The following SHANK2 variants were observed in gnomAD, a reference collection of about 807,000 sequenced individuals.
SHANK2 encodes SH3 and multiple ankyrin repeat domains 2.
In SHANK2, 43 loss-of-function variants were observed where a neutral mutation model predicts 133.7. The observed-to-expected ratio is 0.32, with a 90% CI of 0.25 to 0.41. The LOEUF is 0.41. Ranked by LOEUF, SHANK2 falls within the 10% of genes least tolerant of loss-of-function variation. SHANK2 has a pLI of 1.00. For synonymous variants in SHANK2, 1,017 were observed against 952.8 expected (o/e 1.07, Z -1.24); for missense variants, 1,994 against 2,235.8 (o/e 0.89, Z 2.18).
chr11:70,642,553 C>T (rs1237472306), intron 17 of SHANK2, among the ~76,000 whole-genome samples: 3 of 152,148 alleles, frequency 2.0e-5, no homozygotes, highest in Non-Finnish European at 4.4e-5. Flanking sequence ...GAGGCGGGGC[C>T]GAGAGGTGTC....
chr11:71,187,511 A>AT (rs1355961845), intron 2 of SHANK2, among the ~76,000 whole-genome samples: 3 of 151,540 alleles, frequency 2.0e-5, no homozygotes, highest in Non-Finnish European at 2.9e-5. Flanking sequence ...TGGGTTTTTC[A>AT]TGTTTTATTC....
At chr11:70,609,379 C>T (rs1056113358) in intron 17 of SHANK2, among the ~76,000 whole-genome samples, 7 of 152,170 alleles carry the variant, frequency 4.6e-5, no homozygotes, top group Non-Finnish European at 7.3e-5. Context: ...GATGACCTGG[C>T]GTGTGAAGAA....
intron 6 of SHANK2, among the ~76,000 whole-genome samples, chr11:71,106,439 C>CA (rs1301601359): frequency 3.9e-5 from 6 of 151,954 alleles, no homozygotes; most frequent in African/African-American, 1.2e-4. Context: ...CCCATCTCTA[C>CA]AAAAAAACAC....
chr11:70,647,848 G>C lies in SHANK2; in HGVS notation c.2061+11980C>G, dbSNP rs1234168803. The stretch of plus-strand genomic sequence containing the variant: ...ACCCGCCCATCCCACCCCGGATGGG[G>C]ACTCTGGGGTGTGCATCAGCAGTTT... On this transcript the variant is annotated intron_variant, in intron 17 of 25. Transcript: ENST00000601538. Among the ~76,000 whole-genome samples, 3 of 152,198 alleles carry C rather than the reference G, an allele frequency of 2.0e-5. No individual in the cohort carries two copies. The East Asian group carries it at 5.8e-4, about 29-fold the overall frequency.
intron 17 of SHANK2, among the ~76,000 whole-genome samples, chr11:70,612,316 C>G (rs2060669972): frequency 6.6e-6 from 1 of 152,162 alleles, no homozygotes; most frequent in Non-Finnish European, 1.5e-5. Context: ...ACCTGTAGCC[C>G]CCATCTCTGA....
chr11:70,770,277 A>G (rs1210578381), intron 14 of SHANK2, among the ~76,000 whole-genome samples: 1 of 152,198 alleles, frequency 6.6e-6, no homozygotes, highest in African/African-American at 2.4e-5. Context: ...CCACCAGACC[A>G]GCCTGGTCTC....
chr11:70,595,783 G>C (rs1411841892), intron 17 of SHANK2, among the ~76,000 whole-genome samples: 2 of 152,252 alleles, frequency 1.3e-5, no homozygotes, highest in Admixed American at 1.3e-4. Context: ...GACTCAGAGA[G>C]ACCCAGCTCC....
chr11:70,926,728 G>T (rs949606404), intron 10 of SHANK2, among the ~76,000 whole-genome samples: 18 of 152,344 alleles, frequency 1.2e-4, no homozygotes, highest in African/African-American at 4.1e-4. Flanking sequence ...GCCTCAGCTG[G>T]GCACCTGCGG....
intron 21 of SHANK2, chr11:70,495,915 C>A: frequency 6.4e-6 from 1 of 157,416 alleles, no homozygotes; most frequent in South Asian, 1.6e-4. Flanking sequence ...TGTGCTCAGA[C>A]CTGCACCTGT....
chr11:71,061,787 C>A (rs943752237), intron 9 of SHANK2, among the ~76,000 whole-genome samples: 6 of 152,004 alleles, frequency 3.9e-5, no homozygotes, highest in African/African-American at 1.5e-4. Context: ...CCTTCTCCAC[C>A]AGGATGAGAC....
At position 70,599,557 on chromosome 11, in the gene SHANK2, G is replaced by A. The variant is rs1204980078; in HGVS notation, c.2061+60271C>T. ...CAGGGGGCGGAGCCTGCAGTGAGCC[G>A]AGATTGCGCCACTGCACTCCAGCCT... On this transcript the variant is annotated intron_variant, in intron 17 of 25. Transcript: ENST00000601538. 3.7e-5 allele frequency among the ~76,000 whole-genome samples: 4 copies of A among 109,254 alleles called. 1 individual carries two copies. The highest frequency in any genetic ancestry group is 3.6e-5 in the Non-Finnish European group (2 of 54,904). The allele number at this position is 109,254 out of a possible 152,430, so 71.7% of individuals were successfully genotyped here. A position where few individuals can be genotyped will look rare whatever the true frequency, so the allele number is the denominator to read the frequency against.
intron 17 of SHANK2, among the ~76,000 whole-genome samples, chr11:70,613,491 C>T (rs1394715423): frequency 6.6e-6 from 1 of 152,062 alleles, no homozygotes; most frequent in East Asian, 1.9e-4. Flanking sequence ...GCATGAGCCG[C>T]CGCACCCGGC....
chr11:70,740,634 A>C (rs1565283475), intron 14 of SHANK2, among the ~76,000 whole-genome samples: 1 of 152,156 alleles, frequency 6.6e-6, no homozygotes. Flanking sequence ...AAGCAGCATC[A>C]GTCAGCCCAA....
intron 14 of SHANK2, among the ~76,000 whole-genome samples, chr11:70,767,538 G>A (rs765043954): frequency 6.6e-6 from 1 of 152,108 alleles, no homozygotes. Context: ...AAGGAGCGAC[G>A]TACCACCACA....
intron 17 of SHANK2, among the ~76,000 whole-genome samples, chr11:70,525,090 G>A (rs527899785): frequency 2.8e-4 from 43 of 152,352 alleles, no homozygotes; most frequent in African/African-American, 8.9e-4. Context: ...TTGACAGCCC[G>A]GCAGCTGCAG....
chr11:70,790,004 A>G (rs1238989257), intron 14 of SHANK2, among the ~76,000 whole-genome samples: 1 of 152,254 alleles, frequency 6.6e-6, no homozygotes, highest in African/African-American at 2.4e-5. Context: ...TGTACACATA[A>G]GATGTGTCGC....
intron 14 of SHANK2, among the ~76,000 whole-genome samples, chr11:70,769,526 A>T (rs1236325189): frequency 4.0e-5 from 6 of 151,624 alleles, no homozygotes; most frequent in Non-Finnish European, 7.4e-5. Flanking sequence ...TGCTCAACAG[A>T]CGTGATGCAT....
At chr11:70,599,410 ATCCTG>A (rs1554990245) in intron 17 of SHANK2, among the ~76,000 whole-genome samples, 3 of 142,862 alleles carry the variant, frequency 2.1e-5, no homozygotes, top group East Asian at 2.4e-4. Flanking sequence ...GATCGAGACC[ATCCTG>A]GCTAACACGG....
At chr11:71,056,179 A>G (rs898399017) in intron 10 of SHANK2, among the ~76,000 whole-genome samples, 2 of 152,170 alleles carry the variant, frequency 1.3e-5, no homozygotes, top group Non-Finnish European at 2.9e-5. Flanking sequence ...ATCTCCCAAC[A>G]GCTGCACAGT....
Sources: gnomAD v4.1 joint callset for allele counts (sites outside exome capture counted in the v4.1 genomes callset) on GRCh38, gnomAD v4.1.1 for gene constraint, MANE v1.5 for transcripts, NCBI Gene and HGNC (gene_info 2026-07-23, HGNC 2026-07-21) for gene names.